TBC1D1: variants seen among roughly 807,000 people sequenced by gnomAD.
TBC1D1 encodes the protein TBC1 domain family member 1.
In TBC1D1, 89 loss-of-function variants were observed where a neutral mutation model predicts 125.6. The ratio of observed to expected loss-of-function variants is 0.71; its 90% CI spans 0.60 to 0.85. The LOEUF is 0.85. TBC1D1 is among the 40% of genes least tolerant of loss of function. TBC1D1 has a pLI of 0.00. For missense variants in TBC1D1, 1,377 were observed against 1,469.2 expected, an observed-to-expected ratio of 0.94 and a Z score of 1.03; for synonymous variants, 565 against 564.1, an observed-to-expected ratio of 1.00 and a Z score of -0.02.
chr4:37,981,297 A>G (rs556538611), intron 2 of TBC1D1, among the ~76,000 whole-genome samples: 28 of 152,178 alleles, frequency 1.8e-4, no homozygotes, highest in Non-Finnish European at 3.2e-4. Context: ...TTTTATGTAA[A>G]ACCAGGTTTT....
intron 2 of TBC1D1, among the ~76,000 whole-genome samples, chr4:37,903,891 G>A (rs770337290): frequency 3.9e-4 from 59 of 152,168 alleles, no homozygotes; most frequent in Non-Finnish European, 6.9e-4. Context: ...TGAAATAAAG[G>A]CTAATATGGA....
chr4:37,988,056 A>T (rs1463352040), intron 2 of TBC1D1, among the ~76,000 whole-genome samples: 2 of 152,176 alleles, frequency 1.3e-5, no homozygotes, highest in Admixed American at 6.5e-5. Flanking sequence ...GGGAAAGATG[A>T]TCAATGCCAG....
Position 38,115,919 on chromosome 4 carries a change from CGG to C in TBC1D1, c.2768_2769del (p.Arg923GlnfsTer23). 6.2e-7 allele frequency: 1 copy of C among 1,614,132 alleles called. No homozygotes were observed. Among genetic ancestry groups the C allele is most frequent in the Non-Finnish European group, 8.5e-7 (1 of 1,180,008 alleles). ...GTTTCTGATGTTTGACATGGGGCTG[CGG>C]AAACAGTATCGGCCAGACATGATTA... On this transcript the variant is annotated frameshift_variant, in exon 16 of 20. Transcript: ENST00000261439. LOFTEE classifies it high-confidence loss of function.
chr4:37,921,958 A>C (rs1467365477), intron 2 of TBC1D1, among the ~76,000 whole-genome samples: 1 of 151,834 alleles, frequency 6.6e-6, no homozygotes, highest in African/African-American at 2.4e-5. Context: ...GCTGCTTATG[A>C]ACTCCTGGCC....
At chr4:37,898,746 C>T (rs1349996869) in intron 1 of TBC1D1, among the ~76,000 whole-genome samples, 1 of 152,126 alleles carries the variant, frequency 6.6e-6, no homozygotes, top group African/African-American at 2.4e-5. Flanking sequence ...TTTCTACCAG[C>T]AGGATAACTG....
At chr4:38,065,051 C>T (rs763589401) in intron 12 of TBC1D1, among the ~76,000 whole-genome samples, 1 of 152,218 alleles carries the variant, frequency 6.6e-6, no homozygotes, top group African/African-American at 2.4e-5. Context: ...CTGCCTCAGC[C>T]TCCGGAGTAG....
chr4:37,921,566 C>T (rs1286988696), intron 2 of TBC1D1, among the ~76,000 whole-genome samples: 3 of 151,596 alleles, frequency 2.0e-5, no homozygotes, highest in Non-Finnish European at 2.9e-5. Flanking sequence ...GCCACCATGC[C>T]CAGCTAATTT....
At chr4:38,116,686 C>T (rs1161940933) in intron 16 of TBC1D1, among the ~76,000 whole-genome samples, 1 of 152,214 alleles carries the variant, frequency 6.6e-6, no homozygotes, top group Non-Finnish European at 1.5e-5. Context: ...GAAAACCAAA[C>T]ACAGTAGCGT....
chr4:38,063,633 A>ATTTT (rs367705962), intron 12 of TBC1D1, among the ~76,000 whole-genome samples: 1 of 149,222 alleles, frequency 6.7e-6, no homozygotes. Context: ...AATTTTTTTT[A>ATTTT]TTTTTTATTT....
At chr4:37,894,125 A>C (rs1326173608) in intron 1 of TBC1D1, among the ~76,000 whole-genome samples, 1 of 151,622 alleles carries the variant, frequency 6.6e-6, no homozygotes, top group Non-Finnish European at 1.5e-5. Flanking sequence ...AGTAGCTGGG[A>C]CTACAGGCGT....
intron 17 of TBC1D1, among the ~76,000 whole-genome samples, chr4:38,119,313 TC>T (rs71190956): frequency 0.1 from 15,181 of 152,100 alleles, 1,154 homozygotes; most frequent in East Asian, 0.37. Context: ...TCTTTTCCTT[TC>T]CCCCCAAATA....
chr4:38,112,057 A>C (rs568835325), intron 15 of TBC1D1: 1 of 985,350 alleles, frequency 1.0e-6, no homozygotes, highest in African/African-American at 1.7e-5. Context: ...AAGAAAATCA[A>C]TGACAGTTTC....
chr4:37,931,570 C>T (rs1008884048), intron 2 of TBC1D1, among the ~76,000 whole-genome samples: 7 of 151,938 alleles, frequency 4.6e-5, no homozygotes, highest in Admixed American at 6.6e-5. Context: ...CTCCGCCTCC[C>T]GGGTTCAAGC....
chr4:37,925,270 G>T (rs1012209521), intron 2 of TBC1D1, among the ~76,000 whole-genome samples: 1 of 152,170 alleles, frequency 6.6e-6, no homozygotes, highest in Non-Finnish European at 1.5e-5. Context: ...ATGGTGTCTT[G>T]TCTTTGCCAT....
chr4:38,051,764 GA>G, intron 11 of TBC1D1, 134 bp from the exon 12 acceptor site: 1 of 792,786 alleles, frequency 1.3e-6, no homozygotes, highest in Non-Finnish European at 2.0e-6. Flanking sequence ...AGGAGTGGAA[GA>G]AGTCCTCCAC....
chr4:38,006,685 T>C lies in TBC1D1; in HGVS notation c.418-7824T>C, dbSNP rs549320289. On this transcript the variant is annotated intron_variant, in intron 2 of 19. Coordinates refer to ENST00000261439, the MANE Select transcript of TBC1D1 (RefSeq NM_015173.4). ...TAGTAGAGATGGGGTTTCACCATGTTAGCCAGGATGGGCTCAATCTCCTGA... is the reference window on the plus strand; with the variant it reads ...TAGTAGAGATGGGGTTTCACCATGTCAGCCAGGATGGGCTCAATCTCCTGA... 6.4e-4 allele frequency: 180 copies of C among 282,204 alleles called. 1 individual carries two copies. Among genetic ancestry groups the C allele is most frequent in the African/African-American group, 3.9e-3 (170 of 43,944 alleles). 17.5% of individuals were successfully genotyped at this position (282,204 alleles called of 1,614,324 possible). A position where few individuals can be genotyped will look rare whatever the true frequency, so the allele number is the denominator to read the frequency against.
chr4:37,951,030 G>A (rs1428931390), intron 2 of TBC1D1, among the ~76,000 whole-genome samples: 1 of 152,096 alleles, frequency 6.6e-6, no homozygotes, highest in Non-Finnish European at 1.5e-5. Flanking sequence ...TCCCACCAAT[G>A]CTGGGATTAC....
intron 2 of TBC1D1, among the ~76,000 whole-genome samples, chr4:37,909,524 G>C (rs1014263256): frequency 6.6e-6 from 1 of 152,028 alleles, no homozygotes; most frequent in East Asian, 1.9e-4. Flanking sequence ...TATATTTGCC[G>C]GCTCATTACT....
chr4:38,071,858 C>T (rs927071445), intron 12 of TBC1D1, among the ~76,000 whole-genome samples: 9 of 152,286 alleles, frequency 5.9e-5, no homozygotes, highest in Admixed American at 2.0e-4. Flanking sequence ...TCCAATGCTC[C>T]GTTTTACAGA....
Sources: gnomAD v4.1 joint callset for allele counts (sites outside exome capture counted in the v4.1 genomes callset) on GRCh38, gnomAD v4.1.1 for gene constraint, MANE v1.5 for transcripts, NCBI Gene and HGNC (gene_info 2026-07-23, HGNC 2026-07-21) for gene names.